CAMKMT: variants seen among roughly 807,000 people sequenced by gnomAD.
CAMKMT encodes the protein calmodulin-lysine N-methyltransferase.
CAMKMT carries 53 observed loss-of-function variants against 48.0 expected under a neutral mutation model. The ratio of observed to expected loss-of-function variants is 1.10; its 90% CI spans 0.89 to 1.39. CAMKMT has a LOEUF of 1.39. Ranked by LOEUF, CAMKMT falls within the 40% of genes most tolerant of loss-of-function variation. The pLI, the probability that CAMKMT is intolerant of heterozygous loss-of-function variation, is 0.00. For missense variants in CAMKMT, 428 were observed against 402.7 expected, an observed-to-expected ratio of 1.06 and a Z score of -0.54; for synonymous variants, 165 against 152.3, an observed-to-expected ratio of 1.08 and a Z score of -0.61.
intron 3 of CAMKMT, among the ~76,000 whole-genome samples, chr2:44,600,558 G>T (rs1039661181): frequency 3.3e-5 from 5 of 152,042 alleles, no homozygotes; most frequent in Admixed American, 6.6e-5. Flanking sequence ...GTAAGCCATG[G>T]TGCCTGGCCA....
intron 3 of CAMKMT, among the ~76,000 whole-genome samples, chr2:44,695,737 T>G (rs1463998581): frequency 2.0e-5 from 3 of 152,010 alleles, no homozygotes; most frequent in Non-Finnish European, 1.5e-5. Context: ...GCAAATGCAT[T>G]GACTTAGCAG....
chr2:44,373,012 G>A, intron 2 of CAMKMT, 124 bp downstream of exon 2: 2 of 895,922 alleles, frequency 2.2e-6, no homozygotes, highest in Non-Finnish European at 3.4e-6. Flanking sequence ...CAGAACTTAG[G>A]TTTTACAACT....
At chr2:44,723,572 C>T (rs1678600205) in intron 7 of CAMKMT, among the ~76,000 whole-genome samples, 5 of 150,936 alleles carry the variant, frequency 3.3e-5, no homozygotes, top group Admixed American at 3.3e-4. Flanking sequence ...GCCCAGGAGA[C>T]AGAGCAAGTC....
chr2:44,539,776 A>C (rs758415138), intron 3 of CAMKMT, among the ~76,000 whole-genome samples: 5 of 152,092 alleles, frequency 3.3e-5, no homozygotes, highest in Non-Finnish European at 7.4e-5. Context: ...TATGCGGGTT[A>C]GGCACTTTTG....
intron 2 of CAMKMT, among the ~76,000 whole-genome samples, chr2:44,380,670 T>A (rs751321985): frequency 1.3e-5 from 2 of 152,216 alleles, no homozygotes; most frequent in Non-Finnish European, 1.5e-5. Flanking sequence ...AACTAACTTC[T>A]TATAGTTTTG....
At chr2:44,465,155 A>G (rs918056909) in intron 3 of CAMKMT, among the ~76,000 whole-genome samples, 1 of 152,210 alleles carries the variant, frequency 6.6e-6, no homozygotes, top group African/African-American at 2.4e-5. Flanking sequence ...ATGTAAAGGA[A>G]TGAAATATTT....
At chr2:44,573,301 G>C (rs1669025308) in intron 3 of CAMKMT, among the ~76,000 whole-genome samples, 1 of 151,896 alleles carries the variant, frequency 6.6e-6, no homozygotes, top group South Asian at 2.1e-4. Flanking sequence ...TGAGTTGTAG[G>C]AGTTCTTTAT....
At chr2:44,520,077 G>T (rs2104793935) in intron 3 of CAMKMT, among the ~76,000 whole-genome samples, 1 of 150,404 alleles carries the variant, frequency 6.6e-6, no homozygotes, top group African/African-American at 2.4e-5. Flanking sequence ...AAATTAGCCA[G>T]GCGTGGTGGT....
chr2:44,769,521 T>C (rs915558912), intron 10 of CAMKMT, among the ~76,000 whole-genome samples: 28 of 152,224 alleles, frequency 1.8e-4, no homozygotes, highest in Non-Finnish European at 7.3e-5. Flanking sequence ...ACCTTTCGGA[T>C]AGTAAGATAG....
intron 3 of CAMKMT, among the ~76,000 whole-genome samples, chr2:44,597,962 C>T (rs1348377555): frequency 1.3e-5 from 2 of 152,136 alleles, no homozygotes; most frequent in Non-Finnish European, 2.9e-5. Flanking sequence ...GTCTCGAACT[C>T]CTGACCTTTT....
intron 3 of CAMKMT, among the ~76,000 whole-genome samples, chr2:44,526,435 A>G (rs1191172147): frequency 6.6e-6 from 1 of 152,196 alleles, no homozygotes. Context: ...ATGCAGGCAG[A>G]GAAGGCACAA....
At chr2:44,572,038 G>A (rs1167031408) in intron 3 of CAMKMT, among the ~76,000 whole-genome samples, 1 of 151,970 alleles carries the variant, frequency 6.6e-6, no homozygotes, top group Non-Finnish European at 1.5e-5. Context: ...ATACAATTCA[G>A]TGGCACTAAG....
intron 9 of CAMKMT, among the ~76,000 whole-genome samples, chr2:44,761,735 CAG>C (rs1166265407): frequency 4.6e-5 from 7 of 152,156 alleles, no homozygotes; most frequent in African/African-American, 1.7e-4. Context: ...TCGAAAGTGA[CAG>C]ATACGGAAGT....
intron 1 of CAMKMT, among the ~76,000 whole-genome samples, chr2:44,366,324 C>A (rs1397907492): frequency 6.6e-6 from 1 of 152,204 alleles, no homozygotes; most frequent in Non-Finnish European, 1.5e-5. Flanking sequence ...AAGTCTTGAT[C>A]CAGTCCTAGG....
chr2:44,637,108 C>A (rs1056246011), intron 3 of CAMKMT, among the ~76,000 whole-genome samples: 3 of 152,166 alleles, frequency 2.0e-5, no homozygotes, highest in African/African-American at 7.2e-5. Flanking sequence ...TCGCTAAAAC[C>A]AAAATGGGCC....
chr2:44,506,613 G>A (rs1470709332), intron 3 of CAMKMT, among the ~76,000 whole-genome samples: 1 of 152,058 alleles, frequency 6.6e-6, no homozygotes, highest in African/African-American at 2.4e-5. Flanking sequence ...TCTCAATGTA[G>A]GGGGACTCTA....
intron 3 of CAMKMT, among the ~76,000 whole-genome samples, chr2:44,695,166 A>AT (rs1464877650): frequency 6.6e-6 from 1 of 152,148 alleles, no homozygotes; most frequent in Admixed American, 6.5e-5. Flanking sequence ...ATTATAATCT[A>AT]TTTTTTTAAA....
At chr2:44,648,384 A>C (rs191234945) in intron 3 of CAMKMT, among the ~76,000 whole-genome samples, 1 of 152,294 alleles carries the variant, frequency 6.6e-6, no homozygotes, top group East Asian at 1.9e-4. Context: ...TTATTTATTA[A>C]ATTTTCAAAA....
intron 3 of CAMKMT, among the ~76,000 whole-genome samples, chr2:44,575,462 T>C (rs1226275667): frequency 1.9e-4 from 29 of 152,252 alleles, no homozygotes; most frequent in Admixed American, 1.9e-3. Context: ...ATTGTTGTTA[T>C]TCTTATAAAT....
Sources: allele counts gnomAD v4.1 joint callset (sites outside exome capture counted in the v4.1 genomes callset), GRCh38; gene constraint gnomAD v4.1.1; transcripts MANE v1.5; gene names NCBI Gene and HGNC (gene_info 2026-07-23, HGNC 2026-07-21).